Variants in MYO9A observed in about 807,000 individuals in gnomAD.
The protein encoded by MYO9A is myosin IXA.
Under a neutral mutation model 293.3 loss-of-function variants are expected in MYO9A, and 103 were observed. That is an observed-to-expected ratio of 0.35 (90% CI 0.30 to 0.41). The LOEUF (loss-of-function observed/expected upper bound fraction) is 0.41, where lower values mean the gene tolerates loss of function less well. Ranked by LOEUF, MYO9A falls within the 10% of genes least tolerant of loss-of-function variation. The pLI, the probability that MYO9A is intolerant of heterozygous loss-of-function variation, is 1.00. For missense variants in MYO9A, 2,685 were observed against 3,033.0 expected (o/e 0.89, Z 2.69); for synonymous variants, 1,001 against 1,035.7 (o/e 0.97, Z 0.64).
intron 18 of MYO9A, among the ~76,000 whole-genome samples, chr15:71,919,199 G>A (rs1180503905): frequency 6.6e-6 from 1 of 152,140 alleles, no homozygotes; most frequent in Non-Finnish European, 1.5e-5. Context: ...TATAATCCGA[G>A]AACGGCTGAG....
At chr15:72,099,903 T>G (rs8038968) in intron 1 of MYO9A, among the ~76,000 whole-genome samples, 1 of 121,706 alleles carries the variant, frequency 8.2e-6, no homozygotes, top group Non-Finnish European at 1.6e-5. Context: ...GAGCAAGACT[T>G]GGTCTCAAAA....
intron 1 of MYO9A, among the ~76,000 whole-genome samples, chr15:72,089,436 G>A (rs1332396299): frequency 6.6e-6 from 1 of 152,058 alleles, no homozygotes; most frequent in African/African-American, 2.4e-5. Context: ...TGCTAGGACT[G>A]CAGGCATCAG....
intron 31 of MYO9A, among the ~76,000 whole-genome samples, chr15:71,876,145 T>C (rs927521074): frequency 6.8e-6 from 1 of 148,066 alleles, no homozygotes; most frequent in African/African-American, 2.5e-5. Context: ...TAATCATTAA[T>C]TGATTTTTTT....
intron 19 of MYO9A, among the ~76,000 whole-genome samples, chr15:71,910,059 A>C (rs939035515): frequency 3.3e-5 from 5 of 149,470 alleles, no homozygotes; most frequent in Non-Finnish European, 5.9e-5. Context: ...CATTGTTGTA[A>C]CTAAAGCCCC....
chr15:71,935,286 A>G, intron 17 of MYO9A, 55 bp downstream of exon 17: 1 of 1,497,072 alleles, frequency 6.7e-7, no homozygotes, highest in Non-Finnish European at 9.0e-7. Flanking sequence ...AGAAATTTTA[A>G]ACCAGACAAA....
chr15:72,025,707 G>A (rs1366754957), intron 4 of MYO9A, among the ~76,000 whole-genome samples: 5 of 152,114 alleles, frequency 3.3e-5, no homozygotes, highest in Non-Finnish European at 2.9e-5. Flanking sequence ...ATAATACTGA[G>A]AGACTGCAAT....
chr15:72,031,272 T>C (rs62025612), intron 3 of MYO9A, among the ~76,000 whole-genome samples: 1 of 152,040 alleles, frequency 6.6e-6, no homozygotes, highest in Non-Finnish European at 1.5e-5. Context: ...CAGTGGCTCA[T>C]GCCTGAAATC....
chr15:72,110,129 A>G (rs956744526), intron 1 of MYO9A, among the ~76,000 whole-genome samples: 2 of 151,654 alleles, frequency 1.3e-5, no homozygotes, highest in Admixed American at 1.3e-4. Context: ...TGCTGTCTCA[A>G]GAAAAAAACA....
In MYO9A at chr15:71,875,854, G is replaced by T; in HGVS notation, c.5932-16C>A. The T allele has an allele frequency of 7.6e-7, 1 of 1,321,226 alleles. No individual in the cohort carries two copies. The highest frequency in any genetic ancestry group is 2.2e-5 in the South Asian group (1 of 44,490). The allele number at this position is 1,321,226 out of a possible 1,614,324, so 81.8% of individuals were successfully genotyped here. A position where few individuals can be genotyped will look rare whatever the true frequency, so the allele number is the denominator to read the frequency against. ...TTTTTGGCACCTGACAGGGGGACAGGAGATATATGGAAATTGTGATAACAA... is the reference window on the plus strand; with the variant it reads ...TTTTTGGCACCTGACAGGGGGACAGTAGATATATGGAAATTGTGATAACAA... On this transcript the variant is annotated splice_polypyrimidine_tract_variant and intron_variant, in intron 31 of 41. Coordinates refer to ENST00000356056, the MANE Select transcript of MYO9A (RefSeq NM_006901.4).
chr15:71,874,645 G>A (rs913962701), intron 32 of MYO9A, among the ~76,000 whole-genome samples: 2 of 152,198 alleles, frequency 1.3e-5, no homozygotes, highest in Non-Finnish European at 2.9e-5. Flanking sequence ...GTATAAGAAG[G>A]TAGACCAGTA....
chr15:71,984,954 CTG>C (rs570170045), intron 11 of MYO9A, among the ~76,000 whole-genome samples: 25 of 152,314 alleles, frequency 1.6e-4, no homozygotes, highest in Admixed American at 3.9e-4. Flanking sequence ...CAATCTCACT[CTG>C]TCACTCAGGC....
intron 1 of MYO9A, among the ~76,000 whole-genome samples, chr15:72,103,891 G>A (rs1370518400): frequency 6.6e-6 from 1 of 152,178 alleles, no homozygotes; most frequent in African/African-American, 2.4e-5. Flanking sequence ...AGGATGGTGA[G>A]GTTGGAGGGA....
chr15:71,877,749 C>T (rs747934750), intron 31 of MYO9A, among the ~76,000 whole-genome samples: 1 of 152,130 alleles, frequency 6.6e-6, no homozygotes, highest in Non-Finnish European at 1.5e-5. Flanking sequence ...TGAGCCACCG[C>T]CCCACCCCGA....
At chr15:72,002,131 A>G (rs934227217) in intron 8 of MYO9A, among the ~76,000 whole-genome samples, 6 of 152,138 alleles carry the variant, frequency 3.9e-5, no homozygotes, top group Non-Finnish European at 1.5e-5. Context: ...ACAAGTACTC[A>G]GGAGGCTGAG....
At chr15:71,837,200 G>C (rs1468640150) in intron 39 of MYO9A, among the ~76,000 whole-genome samples, 1 of 152,020 alleles carries the variant, frequency 6.6e-6, no homozygotes, top group African/African-American at 2.4e-5. Flanking sequence ...GCAGGTGATA[G>C]GGTAAAGGCT....
At position 72,053,279 on chromosome 15, in the gene MYO9A, G is replaced by A. The variant is rs2078624452; in HGVS notation, c.-71-6645C>T. On this transcript the variant is annotated intron_variant, in intron 1 of 41. Coordinates refer to ENST00000356056, the MANE Select transcript of MYO9A (RefSeq NM_006901.4). Reference sequence around the variant, plus strand: ...AAATTAGCCAAGCAGGGTGCTGCGTGCCTGTAATCCCAGCTACTCAGGACA... The same window carrying A: ...AAATTAGCCAAGCAGGGTGCTGCGTACCTGTAATCCCAGCTACTCAGGACA... Among the ~76,000 whole-genome samples the A allele has an allele frequency of 3.3e-5, 5 of 152,138 alleles. No individual in the cohort carries two copies. In the South Asian group the frequency reaches 1.0e-3, roughly 32 times the overall value.
At position 71,893,086 on chromosome 15, in the gene MYO9A, T is replaced by A. The variant is rs1478923015; in HGVS notation, c.5142+593A>T. 5 of 1,289,938 alleles carry A rather than the reference T, an allele frequency of 3.9e-6. No individual in the cohort carries two copies. The South Asian group carries it at 6.2e-5, about 16-fold the overall frequency. The allele number at this position is 1,289,938 out of a possible 1,614,324, so 79.9% of individuals were successfully genotyped here. ...GTCATCGTAATCATCTTCCTCTGTA[T>A]CCCCCTCCCCATCGGCAAAAGTACC... On this transcript the variant is annotated intron_variant, in intron 26 of 41. Coordinates refer to ENST00000356056, the MANE Select transcript of MYO9A (RefSeq NM_006901.4).
At chr15:71,956,624 C>T (rs954352001) in intron 14 of MYO9A, among the ~76,000 whole-genome samples, 4 of 149,792 alleles carry the variant, frequency 2.7e-5, no homozygotes, top group Non-Finnish European at 4.4e-5. Flanking sequence ...CCAGCCTGGG[C>T]GACAGAGCGA....
intron 15 of MYO9A, among the ~76,000 whole-genome samples, chr15:71,941,766 GA>G (rs1419792125): frequency 2.6e-5 from 4 of 151,538 alleles, no homozygotes; most frequent in African/African-American, 9.7e-5. Context: ...AAAGTCAAAG[GA>G]AAAAAAGGTA....
Sources: gnomAD v4.1 joint callset for allele counts (sites outside exome capture counted in the v4.1 genomes callset) on GRCh38, gnomAD v4.1.1 for gene constraint, MANE v1.5 for transcripts, NCBI Gene and HGNC (gene_info 2026-07-23, HGNC 2026-07-21) for gene names.